Variants in ARMC7 observed in about 807,000 individuals in gnomAD.
ARMC7 encodes armadillo repeat-containing protein 7.
In ARMC7, 9 loss-of-function variants were observed where a neutral mutation model predicts 14.8. That is an observed-to-expected ratio of 0.61 (90% CI 0.37 to 1.06). ARMC7 has a LOEUF of 1.06. ARMC7 is among the 50% of genes least tolerant of loss of function. The probability of loss-of-function intolerance (pLI) is 0.01; values close to 1 mark genes in which losing one functional copy is unlikely to be tolerated. For synonymous variants in ARMC7, 125 were observed against 123.4 expected (o/e 1.01, Z -0.09); for missense variants, 262 against 267.1 (o/e 0.98, Z 0.13).
intron 2 of ARMC7, among the ~76,000 whole-genome samples, chr17:75,126,598 T>C (rs192438724): frequency 1.4e-4 from 22 of 152,092 alleles, no homozygotes; most frequent in Admixed American, 1.2e-3. Context: ...TTTTTTTTTT[T>C]TGAGATGGAG....
intron 2 of ARMC7, among the ~76,000 whole-genome samples, chr17:75,118,595 G>T (rs2073989553): frequency 6.6e-6 from 1 of 152,198 alleles, no homozygotes; most frequent in Non-Finnish European, 1.5e-5. Flanking sequence ...CAAGTCTCTG[G>T]CCTCTTTTGT....
chr17:75,123,694 T>C (rs947259385), intron 2 of ARMC7, among the ~76,000 whole-genome samples: 2 of 152,044 alleles, frequency 1.3e-5, no homozygotes, highest in Admixed American at 1.3e-4. Flanking sequence ...GGCCAAGGCA[T>C]GAGGTTAGGA....
At position 75,128,852 on chromosome 17, in the gene ARMC7, C is replaced by T. The variant is rs758349108; in HGVS notation, c.411C>T (p.Thr137=). The T allele has an allele frequency of 3.1e-5, 50 of 1,612,772 alleles. No individual in the cohort carries two copies. The highest frequency in any genetic ancestry group is 3.5e-5 in the Non-Finnish European group (41 of 1,179,992). The part of the protein sequence containing the change: ...PPGRSFLPEL[T]ATPVVQCMLR... ...GCCGCAGCTTTCTCCCAGAGCTGAC[C>T]GCCACGCCCGTGGTGCAGTGCATGC... Residue 137 remains threonine, a synonymous_variant, in exon 3 of 3, where the codon ACC becomes ACT. Transcript: ENST00000245543.
chr17:75,124,560 T>C (rs1327353638), intron 2 of ARMC7, among the ~76,000 whole-genome samples: 1 of 152,178 alleles, frequency 6.6e-6, no homozygotes, highest in Non-Finnish European at 1.5e-5. Context: ...TCCCGTCAGC[T>C]CGGGAGACAT....
chr17:75,113,441 G>A (rs1231420906), intron 2 of ARMC7, among the ~76,000 whole-genome samples: 1 of 151,028 alleles, frequency 6.6e-6, no homozygotes, highest in Non-Finnish European at 1.5e-5. Flanking sequence ...TGCAAGCTCC[G>A]CCTCCCGGGT....
chr17:75,117,893 G>A (rs1273989762), intron 2 of ARMC7, among the ~76,000 whole-genome samples: 2 of 152,088 alleles, frequency 1.3e-5, no homozygotes, highest in African/African-American at 4.8e-5. Flanking sequence ...GGCTGAGGCG[G>A]GTGGATCACT....
At position 75,115,429 on chromosome 17, in the gene ARMC7, A is replaced by G. The variant is rs188569833; in HGVS notation, c.235+4823A>G. On this transcript the variant is annotated intron_variant, in intron 2 of 2. Coordinates refer to ENST00000245543, the MANE Select transcript of ARMC7 (RefSeq NM_024585.4). ...GTGGCGCACACCTGTAGTCCCAGCT[A>G]CTCGGAGGCTGAGGCAGAAGAGTTG... is the stretch of plus-strand genomic sequence containing the variant. Among the ~76,000 whole-genome samples the G allele has an allele frequency of 2.3e-3, 345 of 152,144 alleles. 1 individual carries two copies. The highest frequency in any genetic ancestry group is 7.9e-3 in the African/African-American group (326 of 41,508).
chr17:75,126,593 T>A (rs187043509), intron 2 of ARMC7, among the ~76,000 whole-genome samples: 9 of 151,940 alleles, frequency 5.9e-5, no homozygotes, highest in Non-Finnish European at 1.2e-4. Context: ...TTTTGTTTTT[T>A]TTTTTTGAGA....
chr17:75,121,472 G>T (rs570494521), intron 2 of ARMC7, among the ~76,000 whole-genome samples: 1 of 152,238 alleles, frequency 6.6e-6, no homozygotes, highest in East Asian at 1.9e-4. Context: ...GAGCACAGTT[G>T]GCACAATCTC....
In ARMC7 at chr17:75,122,927, T is replaced by G. The variant is rs1191953576; in HGVS notation, c.236-5750T>G. Among the ~76,000 whole-genome samples the G allele has an allele frequency of 2.0e-5, 3 of 151,796 alleles. No individual in the cohort carries two copies. In the East Asian group the frequency reaches 5.8e-4, roughly 29 times the overall value. ...GCTCACAGAAAGCTCTTAGAGGAGG[T>G]GGCGTCTTAGCGGGCCTATCTTATT... On this transcript the variant is annotated intron_variant, in intron 2 of 2. Transcript: ENST00000245543.
intron 2 of ARMC7, among the ~76,000 whole-genome samples, chr17:75,118,474 T>C (rs1330708508): frequency 6.6e-6 from 1 of 152,184 alleles, no homozygotes; most frequent in Non-Finnish European, 1.5e-5. Flanking sequence ...GTCGTCTCTG[T>C]GTGGCGGTCT....
At chr17:75,118,428 C>T (rs1185642931) in intron 2 of ARMC7, among the ~76,000 whole-genome samples, 1 of 152,196 alleles carries the variant, frequency 6.6e-6, no homozygotes. Context: ...ACAGTGGCAG[C>T]AACCACTTGC....
intron 2 of ARMC7, among the ~76,000 whole-genome samples, chr17:75,117,947 C>T (rs141929930): frequency 6.6e-6 from 1 of 151,866 alleles, no homozygotes; most frequent in African/African-American, 2.4e-5. Context: ...ATGGTGAAAC[C>T]CCGTCTCTAC....
At chr17:75,114,616 G>A (rs2073959838) in intron 2 of ARMC7, 1 of 396,110 alleles carries the variant, frequency 2.5e-6, no homozygotes, top group Non-Finnish European at 4.5e-6. Flanking sequence ...AAGTGTGTCT[G>A]TGCATCTGTG....
At chr17:75,114,741 G>A (rs1848171663) in intron 2 of ARMC7, 4 of 396,562 alleles carry the variant, frequency 1.0e-5, no homozygotes, top group Non-Finnish European at 1.3e-5. Context: ...AGACCCCCCC[G>A]CCCCAAGCAC....
chr17:75,118,657 C>T (rs1330629308), intron 2 of ARMC7, among the ~76,000 whole-genome samples: 1 of 152,162 alleles, frequency 6.6e-6, no homozygotes, highest in Non-Finnish European at 1.5e-5. Context: ...AGTTTATTGA[C>T]CCTTTCTGTG....
At chr17:75,110,707 A>T (rs1045992607) in intron 2 of ARMC7, 101 bp downstream of exon 2, 13 of 1,472,108 alleles carry the variant, frequency 8.8e-6, no homozygotes, top group Non-Finnish European at 1.2e-5. Flanking sequence ...TCACACCTGT[A>T]ATCCCAGCAG....
intron 2 of ARMC7, among the ~76,000 whole-genome samples, chr17:75,127,600 ATTTG>A (rs913404914): frequency 2.0e-4 from 30 of 151,738 alleles, no homozygotes; most frequent in African/African-American, 5.3e-4. Flanking sequence ...GCTCCCAGCC[ATTTG>A]TTTGTTTTTG....
In ARMC7 at chr17:75,110,017, A is replaced by G. The variant is rs2073895485; in HGVS notation, c.-272A>G. On this transcript the variant is annotated 5_prime_UTR_variant, in exon 1 of 3. Coordinates refer to ENST00000245543, the MANE Select transcript of ARMC7 (RefSeq NM_024585.4). ...ACGGTGCGCCAGTGCCCCCTCCGCGAGCCCCAACCAGTAGACGGTTCCCTG... is the reference window on the plus strand; with the variant it reads ...ACGGTGCGCCAGTGCCCCCTCCGCGGGCCCCAACCAGTAGACGGTTCCCTG... The G allele has an allele frequency of 2.5e-6, 1 of 392,726 alleles. No homozygotes were observed. 24.3% of individuals were successfully genotyped at this position (392,726 alleles called of 1,614,324 possible). A position where few individuals can be genotyped will look rare whatever the true frequency, so the allele number is the denominator to read the frequency against.
Sources: gnomAD v4.1 joint callset for allele counts (sites outside exome capture counted in the v4.1 genomes callset) on GRCh38, gnomAD v4.1.1 for gene constraint, MANE v1.5 for transcripts, NCBI Gene and HGNC (gene_info 2026-07-23, HGNC 2026-07-21) for gene names.